FRAS1: variants seen among roughly 807,000 people sequenced by gnomAD.
FRAS1 encodes the protein extracellular matrix organizing protein FRAS1.
A neutral mutation model predicts 435.2 loss-of-function variants in FRAS1; 290 were observed. That is an observed-to-expected ratio of 0.67 (90% CI 0.61 to 0.73). FRAS1 has a LOEUF of 0.73. Ranked by LOEUF, FRAS1 falls within the 30% of genes least tolerant of loss-of-function variation. The pLI is 0.00. For synonymous variants in FRAS1, 1,800 were observed against 1,851.0 expected, an observed-to-expected ratio of 0.97 and a Z score of 0.71; for missense variants, 4,860 against 5,001.5, an observed-to-expected ratio of 0.97 and a Z score of 0.85.
At chr4:78,424,472 T>A in intron 35 of FRAS1, 52 bp downstream of exon 35, 1 of 902,620 alleles carries the variant, frequency 1.1e-6, no homozygotes, top group Non-Finnish European at 1.6e-6. Context: ...CTTTCCTTAT[T>A]AGTTCTTTCT....
At chr4:78,324,457 A>AAC (rs368625235) in intron 18 of FRAS1, among the ~76,000 whole-genome samples, 3 of 152,022 alleles carry the variant, frequency 2.0e-5, no homozygotes. Flanking sequence ...TTGTTTATAT[A>AAC]ACACACACAC....
At chr4:78,278,560 T>G (rs1727172217) in intron 9 of FRAS1, 95 bp from the exon 10 acceptor site, 1 of 722,080 alleles carries the variant, frequency 1.4e-6, no homozygotes, top group African/African-American at 1.7e-5. Flanking sequence ...CCAGCGTTTC[T>G]TATTCCAGTC....
chr4:78,511,245 C>T (rs1695771400), intron 63 of FRAS1, 29 bp from the exon 64 acceptor site: 1 of 1,532,404 alleles, frequency 6.5e-7, no homozygotes, highest in Admixed American at 1.8e-5. Context: ...AGGGTACTCA[C>T]ATTGGAGGTG....
intron 2 of FRAS1, among the ~76,000 whole-genome samples, chr4:78,194,969 T>C (rs1578178497): frequency 6.6e-6 from 1 of 152,332 alleles, no homozygotes; most frequent in Middle Eastern, 3.4e-3. Context: ...GTCCTTTCTG[T>C]TGGTTAGTTT....
At chr4:78,346,837 C>T (rs1350893002) in intron 20 of FRAS1, among the ~76,000 whole-genome samples, 1 of 152,178 alleles carries the variant, frequency 6.6e-6, no homozygotes, top group African/African-American at 2.4e-5. Flanking sequence ...CATCTGCCTT[C>T]CTGAGCTGAT....
At chr4:78,398,759 C>T (rs1732767981) in intron 29 of FRAS1, among the ~76,000 whole-genome samples, 1 of 152,220 alleles carries the variant, frequency 6.6e-6, no homozygotes, top group East Asian at 1.9e-4. Context: ...CCGAGGCAGG[C>T]AGATCACAAG....
intron 18 of FRAS1, among the ~76,000 whole-genome samples, chr4:78,332,926 G>A (rs1465410214): frequency 6.6e-6 from 1 of 152,208 alleles, no homozygotes; most frequent in Non-Finnish European, 1.5e-5. Flanking sequence ...AGTATCTAGT[G>A]ATAGACAGCT....
chr4:78,299,039 A>G (rs1358671698), intron 14 of FRAS1, among the ~76,000 whole-genome samples: 3 of 152,234 alleles, frequency 2.0e-5, no homozygotes, highest in South Asian at 2.1e-4. Flanking sequence ...AAATATAAAC[A>G]GGAAATTATA....
intron 2 of FRAS1, among the ~76,000 whole-genome samples, chr4:78,223,257 G>A (rs1463408993): frequency 2.6e-5 from 4 of 152,132 alleles, no homozygotes; most frequent in Non-Finnish European, 5.9e-5. Context: ...TTTGGAATGG[G>A]GATGGGATCC....
At chr4:78,076,558 G>A (rs1218787121) in intron 2 of FRAS1, among the ~76,000 whole-genome samples, 7 of 152,022 alleles carry the variant, frequency 4.6e-5, no homozygotes, top group Non-Finnish European at 7.4e-5. Flanking sequence ...TCTCTCATGC[G>A]GTACAACAGA....
intron 2 of FRAS1, among the ~76,000 whole-genome samples, chr4:78,145,306 A>G (rs1375428954): frequency 6.6e-6 from 1 of 152,158 alleles, no homozygotes; most frequent in Non-Finnish European, 1.5e-5. Context: ...AAGGGTGTTT[A>G]TGTTCAGTGA....
intron 1 of FRAS1, among the ~76,000 whole-genome samples, chr4:78,065,554 G>C (rs1410052258): frequency 6.6e-6 from 1 of 152,062 alleles, no homozygotes; most frequent in African/African-American, 2.4e-5. Context: ...AATGAGCAAA[G>C]GCATTGAGAC....
intron 2 of FRAS1, among the ~76,000 whole-genome samples, chr4:78,090,837 A>T (rs1741477568): frequency 6.6e-6 from 1 of 152,150 alleles, no homozygotes; most frequent in African/African-American, 2.4e-5. Context: ...ACTCAGCATA[A>T]TTTTCAAATG....
At chr4:78,235,060 C>T (rs187678515) in intron 2 of FRAS1, among the ~76,000 whole-genome samples, 1 of 152,214 alleles carries the variant, frequency 6.6e-6, no homozygotes, top group Non-Finnish European at 1.5e-5. Context: ...GGCAGAAATG[C>T]TATATTTTAG....
chr4:78,386,823 C>T (rs1207487675), intron 28 of FRAS1, among the ~76,000 whole-genome samples: 1 of 152,044 alleles, frequency 6.6e-6, no homozygotes, highest in African/African-American at 2.4e-5. Flanking sequence ...ATGAATTAGC[C>T]AGGTGGTTGC....
chr4:78,082,003 A>C (rs576312967), intron 2 of FRAS1, among the ~76,000 whole-genome samples: 24 of 152,240 alleles, frequency 1.6e-4, no homozygotes, highest in African/African-American at 5.3e-4. Flanking sequence ...TTCCACTCAA[A>C]TAGTTTGAAA....
intron 58 of FRAS1, among the ~76,000 whole-genome samples, chr4:78,483,748 C>T (rs1382975436): frequency 8.6e-6 from 1 of 116,728 alleles, no homozygotes; most frequent in Non-Finnish European, 1.8e-5. Flanking sequence ...GTGTGTTTAT[C>T]CTTCAGGAGA....
At chr4:78,335,308 C>T (rs1360965168) in intron 19 of FRAS1, among the ~76,000 whole-genome samples, 1 of 152,200 alleles carries the variant, frequency 6.6e-6, no homozygotes, top group Non-Finnish European at 1.5e-5. Context: ...GGTTGGTCAA[C>T]AATCTCTTAC....
intron 6 of FRAS1, among the ~76,000 whole-genome samples, chr4:78,256,652 A>G (rs984374841): frequency 1.2e-4 from 18 of 152,234 alleles, no homozygotes; most frequent in African/African-American, 4.3e-4. Flanking sequence ...CATAAACTCT[A>G]GCTTCATGCA....
Sources: allele counts gnomAD v4.1 joint callset (sites outside exome capture counted in the v4.1 genomes callset), GRCh38; gene constraint gnomAD v4.1.1; transcripts MANE v1.5; gene names NCBI Gene and HGNC (gene_info 2026-07-23, HGNC 2026-07-21).